Variants in RUNX1 observed in about 807,000 individuals in gnomAD.
The protein encoded by RUNX1 is runt-related transcription factor 1.
In RUNX1, 19 loss-of-function variants were observed where a neutral mutation model predicts 42.8. That is an observed-to-expected ratio of 0.44 (90% confidence interval 0.31 to 0.65). The LOEUF (loss-of-function observed/expected upper bound fraction) is 0.65, where lower values mean the gene tolerates loss of function less well. Ranked by LOEUF, RUNX1 falls within the 30% of genes least tolerant of loss-of-function variation. The pLI is 0.07. For missense variants in RUNX1, 528 were observed against 672.0 expected (o/e 0.79, Z 2.37); for synonymous variants, 271 against 289.4 (o/e 0.94, Z 0.64).
chr21:34,979,357 C>T (rs1278837308), intron 2 of RUNX1, among the ~76,000 whole-genome samples: 2 of 151,364 alleles, frequency 1.3e-5, no homozygotes, highest in East Asian at 3.9e-4. Flanking sequence ...CATAGGTTGG[C>T]AACTCAAAGG....
intron 6 of RUNX1, among the ~76,000 whole-genome samples, chr21:34,835,442 G>C (rs2146082565): frequency 6.6e-6 from 1 of 151,896 alleles, no homozygotes; most frequent in East Asian, 1.9e-4. Flanking sequence ...TGGGATGGTG[G>C]GCCCCTCAGT....
chr21:34,864,166 G>A (rs887196334), intron 5 of RUNX1, among the ~76,000 whole-genome samples: 2 of 152,238 alleles, frequency 1.3e-5, no homozygotes, highest in African/African-American at 4.8e-5. Flanking sequence ...CCCCATGGCG[G>A]CTGGGACACA....
intron 5 of RUNX1, among the ~76,000 whole-genome samples, chr21:34,867,488 T>C (rs1179368625): frequency 6.6e-6 from 1 of 152,104 alleles, no homozygotes; most frequent in Admixed American, 6.6e-5. Context: ...CAGCCAGTCC[T>C]TTACAACGTC....
intron 2 of RUNX1, among the ~76,000 whole-genome samples, chr21:34,897,214 A>G (rs1027812286): frequency 1.3e-5 from 2 of 152,148 alleles, no homozygotes; most frequent in African/African-American, 4.8e-5. Context: ...TCTTTGGTTG[A>G]TAACAATTCG....
intron 3 of RUNX1, 154 bp from the exon 4 acceptor site, chr21:34,887,250 G>T: frequency 1.3e-6 from 1 of 752,480 alleles, no homozygotes; most frequent in Non-Finnish European, 1.9e-6. Context: ...GGTGGGGGGG[G>T]GCGGGGGTGG....
At chr21:34,822,769 G>T (rs1016575175) in intron 7 of RUNX1, among the ~76,000 whole-genome samples, 1 of 152,180 alleles carries the variant, frequency 6.6e-6, no homozygotes, top group Non-Finnish European at 1.5e-5. Context: ...TATATAATTT[G>T]CTATCTGATA....
chr21:34,793,254 G>A (rs527872284), intron 8 of RUNX1, among the ~76,000 whole-genome samples: 1 of 152,062 alleles, frequency 6.6e-6, no homozygotes, highest in Non-Finnish European at 1.5e-5. Context: ...TGCCCAGGAG[G>A]ATGGTATAAT....
At chr21:34,919,059 G>A (rs975456288) in intron 2 of RUNX1, among the ~76,000 whole-genome samples, 2 of 152,030 alleles carry the variant, frequency 1.3e-5, no homozygotes, top group Non-Finnish European at 2.9e-5. Flanking sequence ...TTTCACTTTC[G>A]CATCAATGCT....
rs375352672 is a variant in RUNX1 at position 34,824,722 on chromosome 21, G to C, written c.805+9688C>G. Reference sequence around the variant, plus strand: ...AGGGTGGGGTGTTCTGAGGGCCAGAGAGAAATAAGCAAAGACACAGGTAAT... The same window carrying C: ...AGGGTGGGGTGTTCTGAGGGCCAGACAGAAATAAGCAAAGACACAGGTAAT... On this transcript the variant is annotated intron_variant, in intron 7 of 8. Transcript: ENST00000675419. Among the ~76,000 whole-genome samples, 133 of 152,302 alleles carry C rather than the reference G, an allele frequency of 8.7e-4. 1 individual carries two copies. In the South Asian group the frequency reaches 0.025, roughly 28 times the overall value.
rs16992582 is a variant in RUNX1 at position 34,966,821 on chromosome 21, A to G, written c.59-73858T>C. ...ATTAATTTCCACCCAAGAGTTTTCGATTTTCACTTTTTATGGTGATGGAGG... is the reference window on the plus strand; with the variant it reads ...ATTAATTTCCACCCAAGAGTTTTCGGTTTTCACTTTTTATGGTGATGGAGG... On this transcript the variant is annotated intron_variant, in intron 2 of 8. Transcript: ENST00000675419. Among the ~76,000 whole-genome samples the G allele has an allele frequency of 5.9e-3, 897 of 152,144 alleles. 8 individuals are homozygous for G. The highest frequency in any genetic ancestry group is 0.021 in the African/African-American group (858 of 41,490).
At chr21:34,893,640 A>G (rs537622122) in intron 2 of RUNX1, among the ~76,000 whole-genome samples, 91 of 152,256 alleles carry the variant, frequency 6.0e-4, no homozygotes, top group African/African-American at 2.2e-3. Context: ...AAATTACTCT[A>G]TCAGCCTTGT....
At chr21:34,930,669 T>TTCAATG (rs918605335) in intron 2 of RUNX1, among the ~76,000 whole-genome samples, 1 of 151,272 alleles carries the variant, frequency 6.6e-6, no homozygotes, top group African/African-American at 2.4e-5. Flanking sequence ...TCAATTGGAA[T>TTCAATG]GAATACTGAA....
chr21:34,919,750 G>C (rs748553038), intron 2 of RUNX1, among the ~76,000 whole-genome samples: 1 of 152,210 alleles, frequency 6.6e-6, no homozygotes, highest in Non-Finnish European at 1.5e-5. Context: ...CTTGATAATT[G>C]AGTATTATTA....
intron 3 of RUNX1, chr21:34,888,081 T>TCACA (rs779909934): frequency 1.3e-5 from 14 of 1,066,156 alleles, no homozygotes; most frequent in Non-Finnish European, 1.6e-5. Context: ...AGCCGCAGAG[T>TCACA]CACACACATG....
chr21:34,794,206 T>C (rs1284965293), intron 8 of RUNX1, among the ~76,000 whole-genome samples: 3 of 152,132 alleles, frequency 2.0e-5, no homozygotes, highest in African/African-American at 7.2e-5. Flanking sequence ...AATATTAATA[T>C]ATAATAATAC....
intron 2 of RUNX1, among the ~76,000 whole-genome samples, chr21:34,936,657 C>T (rs1358556338): frequency 6.6e-6 from 1 of 152,168 alleles, no homozygotes; most frequent in African/African-American, 2.4e-5. Context: ...CTCAGCATGG[C>T]AAGAAATATC....
intron 7 of RUNX1, among the ~76,000 whole-genome samples, chr21:34,825,376 A>G (rs961752359): frequency 5.9e-5 from 9 of 152,236 alleles, no homozygotes; most frequent in Admixed American, 3.3e-4. Flanking sequence ...TATCACTGTC[A>G]GGACCTCTGA....
intron 3 of RUNX1, chr21:34,888,543 C>T: frequency 9.4e-7 from 1 of 1,064,606 alleles, no homozygotes; most frequent in Non-Finnish European, 1.1e-6. Context: ...CCAACGCAGG[C>T]CAAGGAGAAG....
chr21:34,870,446 G>A (rs1220995339), intron 5 of RUNX1, among the ~76,000 whole-genome samples: 2 of 152,224 alleles, frequency 1.3e-5, no homozygotes, highest in African/African-American at 4.8e-5. Context: ...GGGACATGAC[G>A]CAATGGCTTC....
Sources: allele counts gnomAD v4.1 joint callset (sites outside exome capture counted in the v4.1 genomes callset), GRCh38; gene constraint gnomAD v4.1.1; transcripts MANE v1.5; gene names NCBI Gene and HGNC (gene_info 2026-07-23, HGNC 2026-07-21).